CYTH3: variants seen among roughly 807,000 people sequenced by gnomAD.
CYTH3 encodes the protein cytohesin 3.
A neutral mutation model predicts 55.1 loss-of-function variants in CYTH3; 23 were observed. That is an observed-to-expected ratio of 0.42 (90% confidence interval 0.30 to 0.59). CYTH3 has a LOEUF of 0.59. CYTH3 is among the 20% of genes least tolerant of loss of function. The pLI, the probability that CYTH3 is intolerant of heterozygous loss-of-function variation, is 0.20. For synonymous variants in CYTH3, 249 were observed against 194.9 expected (o/e 1.28, Z -2.31); for missense variants, 413 against 524.8 (o/e 0.79, Z 2.08).
intron 4 of CYTH3, among the ~76,000 whole-genome samples, chr7:6,181,632 TG>T (rs1783504731): frequency 6.6e-6 from 1 of 152,244 alleles, no homozygotes; most frequent in African/African-American, 2.4e-5. Context: ...TGGCATTTGG[TG>T]GGGCCTTTGA....
intron 1 of CYTH3, 65 bp downstream of exon 1, chr7:6,272,409 C>CGGGGGGG: frequency 7.8e-5 from 94 of 1,212,080 alleles, no homozygotes; most frequent in Non-Finnish European, 9.0e-5. Context: ...GCCGCGCCCT[C>CGGGGGGG]GACCCCCAGC....
intron 9 of CYTH3, among the ~76,000 whole-genome samples, chr7:6,168,420 G>A (rs1374903502): frequency 1.3e-5 from 2 of 151,964 alleles, no homozygotes; most frequent in Non-Finnish European, 2.9e-5. Flanking sequence ...CTGAGCACAC[G>A]CCTGGAAGCA....
At chr7:6,254,262 G>A (rs917832851) in intron 1 of CYTH3, among the ~76,000 whole-genome samples, 21 of 151,844 alleles carry the variant, frequency 1.4e-4, no homozygotes, top group African/African-American at 4.8e-4. Context: ...TTAGAGCCTA[G>A]ATAGGTTTAA....
At chr7:6,264,526 C>T (rs1428457999) in intron 1 of CYTH3, among the ~76,000 whole-genome samples, 1 of 152,102 alleles carries the variant, frequency 6.6e-6, no homozygotes, top group Non-Finnish European at 1.5e-5. Flanking sequence ...GCAGAAGAAT[C>T]GCTTGCACCC....
At chr7:6,259,166 T>C (rs765767444) in intron 1 of CYTH3, among the ~76,000 whole-genome samples, 48 of 152,352 alleles carry the variant, frequency 3.2e-4, no homozygotes, top group South Asian at 6.2e-4. Context: ...TGTCTGCACA[T>C]TGCCAAACAT....
At chr7:6,189,510 T>C (rs1030746001) in intron 2 of CYTH3, among the ~76,000 whole-genome samples, 1 of 151,902 alleles carries the variant, frequency 6.6e-6, no homozygotes. Flanking sequence ...GGTTTGACCA[T>C]GTTGCCCAGG....
At chr7:6,179,080 T>A (rs1185300792) in intron 4 of CYTH3, among the ~76,000 whole-genome samples, 1 of 152,172 alleles carries the variant, frequency 6.6e-6, no homozygotes, top group Non-Finnish European at 1.5e-5. Context: ...AGAAATTTCC[T>A]ATTTTTTTTA....
chr7:6,179,191 T>C (rs544814132), intron 4 of CYTH3, among the ~76,000 whole-genome samples: 1 of 152,274 alleles, frequency 6.6e-6, no homozygotes, highest in South Asian at 2.1e-4. Flanking sequence ...TGGAAGACTC[T>C]ACAGCCATGA....
At chr7:6,200,961 T>C (rs1260478607) in intron 1 of CYTH3, among the ~76,000 whole-genome samples, 2 of 152,142 alleles carry the variant, frequency 1.3e-5, no homozygotes, top group Non-Finnish European at 2.9e-5. Flanking sequence ...TCTCACTATG[T>C]TGTTGTCCAG....
At chr7:6,219,021 A>C (rs566054418) in intron 1 of CYTH3, among the ~76,000 whole-genome samples, 3 of 151,084 alleles carry the variant, frequency 2.0e-5, no homozygotes, top group South Asian at 2.1e-4. Context: ...AAAAAAAAAA[A>C]AAAAAACTGC....
chr7:6,183,929 T>C (rs995101598), intron 4 of CYTH3, among the ~76,000 whole-genome samples: 22 of 151,126 alleles, frequency 1.5e-4, no homozygotes, highest in African/African-American at 5.2e-4. Context: ...AGGCGGCTAC[T>C]AGCAAGCCAG....
At chr7:6,166,534 GC>G (rs1330585082) in intron 9 of CYTH3, among the ~76,000 whole-genome samples, 1 of 152,232 alleles carries the variant, frequency 6.6e-6, no homozygotes, top group Admixed American at 6.5e-5. Context: ...TGACAGGCCG[GC>G]AGGGGAGTAG....
At chr7:6,180,528 T>G (rs1010615402) in intron 4 of CYTH3, among the ~76,000 whole-genome samples, 14 of 151,930 alleles carry the variant, frequency 9.2e-5, no homozygotes, top group Non-Finnish European at 1.5e-5. Context: ...CTGGAAGGGA[T>G]TCTCCCTCAG....
chr7:6,258,755 T>C (rs918802159), intron 1 of CYTH3, among the ~76,000 whole-genome samples: 6 of 152,170 alleles, frequency 3.9e-5, no homozygotes, highest in African/African-American at 7.2e-5. Flanking sequence ...AAATCAAGAG[T>C]TGTTATTTAA....
chr7:6,248,491 T>A (rs1177462433), intron 1 of CYTH3, among the ~76,000 whole-genome samples: 1 of 152,144 alleles, frequency 6.6e-6, no homozygotes, highest in African/African-American at 2.4e-5. Context: ...TGTCTAGACC[T>A]GGCTTCCACT....
intron 1 of CYTH3, among the ~76,000 whole-genome samples, chr7:6,234,449 C>A (rs748274103): frequency 5.3e-5 from 8 of 152,208 alleles, no homozygotes; most frequent in Non-Finnish European, 7.3e-5. Context: ...AATAGAAGTT[C>A]AAAAGGAACA....
intron 1 of CYTH3, among the ~76,000 whole-genome samples, chr7:6,233,399 A>C (rs1379190357): frequency 6.6e-6 from 1 of 152,152 alleles, no homozygotes; most frequent in Non-Finnish European, 1.5e-5. Context: ...TTTTGTTTAA[A>C]ACAGTAAATG....
At chr7:6,166,337 A>C (rs2128535732) in intron 9 of CYTH3, among the ~76,000 whole-genome samples, 1 of 152,348 alleles carries the variant, frequency 6.6e-6, no homozygotes, top group African/African-American at 2.4e-5. Context: ...AGGGAAGGAA[A>C]TCTCTGATCC....
At chr7:6,188,759 T>C (rs377056688) in intron 2 of CYTH3, 3 of 152,114 alleles carry the variant, frequency 2.0e-5, no homozygotes, top group East Asian at 3.8e-4. Flanking sequence ...TAAAATGAAG[T>C]AGTTAGAGCT....
Sources: gnomAD v4.1 joint callset for allele counts (sites outside exome capture counted in the v4.1 genomes callset) on GRCh38, gnomAD v4.1.1 for gene constraint, MANE v1.5 for transcripts, NCBI Gene and HGNC (gene_info 2026-07-23, HGNC 2026-07-21) for gene names.